Variants in IQGAP2 observed in about 807,000 individuals in gnomAD.
IQGAP2 encodes IQ motif containing GTPase activating protein 2, also known as ras GTPase-activating-like protein IQGAP2.
Under a neutral mutation model 201.3 loss-of-function variants are expected in IQGAP2, and 173 were observed. The ratio of observed to expected loss-of-function variants is 0.86; its 90% CI spans 0.76 to 0.98. The LOEUF (loss-of-function observed/expected upper bound fraction) is 0.98, where lower values mean the gene tolerates loss of function less well. Among genes scored for constraint, IQGAP2 ranks in the 50% least tolerant of loss-of-function variants. The pLI is 0.00. For missense variants in IQGAP2, 1,687 were observed against 1,864.8 expected, an observed-to-expected ratio of 0.90 and a Z score of 1.76; for synonymous variants, 675 against 673.9, an observed-to-expected ratio of 1.00 and a Z score of -0.03.
intron 2 of IQGAP2, among the ~76,000 whole-genome samples, chr5:76,559,545 C>A (rs1428942428): frequency 6.6e-6 from 1 of 152,158 alleles, no homozygotes; most frequent in Non-Finnish European, 1.5e-5. Flanking sequence ...CCCTGTGAGC[C>A]CCAGAGGCCC....
intron 27 of IQGAP2, among the ~76,000 whole-genome samples, chr5:76,676,093 A>G (rs1192738699): frequency 5.4e-5 from 8 of 149,054 alleles, no homozygotes; most frequent in African/African-American, 1.8e-4. Flanking sequence ...ACACACACAC[A>G]CACACACACA....
chr5:76,697,579 G>T (rs920075557), intron 32 of IQGAP2, among the ~76,000 whole-genome samples: 2 of 152,134 alleles, frequency 1.3e-5, no homozygotes, highest in African/African-American at 4.8e-5. Flanking sequence ...GGAGGTAAAG[G>T]TTGCAGAGAT....
At chr5:76,539,018 G>A (rs979454419) in intron 2 of IQGAP2, among the ~76,000 whole-genome samples, 17 of 152,192 alleles carry the variant, frequency 1.1e-4, no homozygotes, top group South Asian at 2.1e-4. Context: ...CCTCAGCCTC[G>A]TTTGTGAGCA....
chr5:76,534,118 A>G lies in IQGAP2; in HGVS notation c.147-28278A>G, dbSNP rs578163747. Among the ~76,000 whole-genome samples, 21 of 152,360 alleles carry G rather than the reference A, an allele frequency of 1.4e-4. No individual in the cohort carries two copies. The South Asian group carries it at 4.1e-3, about 30-fold the overall frequency. On this transcript the variant is annotated intron_variant, in intron 2 of 35. Coordinates refer to ENST00000274364, the MANE Select transcript of IQGAP2 (RefSeq NM_006633.5). ...ACAGTGTTTTGAGGGTTAATCCATC[A>G]GGGATATTTTCATGAATAGTAGAAC... is the stretch of plus-strand genomic sequence containing the variant.
chr5:76,479,128 C>T (rs1755623212), intron 2 of IQGAP2, among the ~76,000 whole-genome samples: 1 of 152,162 alleles, frequency 6.6e-6, no homozygotes, highest in Admixed American at 6.5e-5. Flanking sequence ...TCAGTTATGC[C>T]TCAGGTCCCT....
At chr5:76,561,700 G>A (rs1744378480) in intron 2 of IQGAP2, among the ~76,000 whole-genome samples, 1 of 152,190 alleles carries the variant, frequency 6.6e-6, no homozygotes, top group Non-Finnish European at 1.5e-5. Context: ...CCTTGAGCCA[G>A]TAATGACCTT....
chr5:76,518,991 A>C (rs1431562460), intron 2 of IQGAP2, among the ~76,000 whole-genome samples: 1 of 152,362 alleles, frequency 6.6e-6, no homozygotes, highest in Admixed American at 6.5e-5. Flanking sequence ...CATACCAGAG[A>C]AGATGAGACA....
At chr5:76,510,688 C>G (rs559907432) in intron 2 of IQGAP2, 5 of 536,132 alleles carry the variant, frequency 9.3e-6, no homozygotes, top group Non-Finnish European at 1.9e-5. Flanking sequence ...GCAGCAGCTG[C>G]AGCCAGACTG....
At chr5:76,504,762 T>C (rs1757508668) in intron 2 of IQGAP2, among the ~76,000 whole-genome samples, 1 of 152,202 alleles carries the variant, frequency 6.6e-6, no homozygotes, top group African/African-American at 2.4e-5. Context: ...CTCATCCACT[T>C]AACTTTGCAA....
intron 2 of IQGAP2, among the ~76,000 whole-genome samples, chr5:76,544,876 G>A (rs868756606): frequency 5.3e-5 from 8 of 152,104 alleles, no homozygotes; most frequent in Admixed American, 2.6e-4. Flanking sequence ...ACTCTATAGC[G>A]ATAGAACTAT....
chr5:76,673,677 A>T (rs1275951336), intron 25 of IQGAP2, 88 bp downstream of exon 25: 15 of 1,315,010 alleles, frequency 1.1e-5, no homozygotes, highest in South Asian at 9.2e-5. Context: ...TGAAGACAGC[A>T]GTTTTCCCTT....
intron 17 of IQGAP2, among the ~76,000 whole-genome samples, chr5:76,647,614 A>G (rs1335268096): frequency 6.6e-6 from 1 of 152,004 alleles, no homozygotes; most frequent in Non-Finnish European, 1.5e-5. Context: ...TTCCACCATG[A>G]TTGTGAGGCC....
intron 2 of IQGAP2, among the ~76,000 whole-genome samples, chr5:76,555,595 A>G (rs1743886335): frequency 6.6e-6 from 1 of 152,210 alleles, no homozygotes; most frequent in African/African-American, 2.4e-5. Context: ...ACAGATCAGC[A>G]AGCCCCTGAA....
intron 2 of IQGAP2, among the ~76,000 whole-genome samples, chr5:76,549,415 T>C (rs1743300806): frequency 6.6e-6 from 1 of 151,580 alleles, no homozygotes; most frequent in African/African-American, 2.4e-5. Context: ...ATTCACAGTC[T>C]AACTGAGTGA....
At chr5:76,668,425 A>G (rs1048801582) in intron 22 of IQGAP2, among the ~76,000 whole-genome samples, 1 of 151,576 alleles carries the variant, frequency 6.6e-6, no homozygotes, top group African/African-American at 2.4e-5. Flanking sequence ...AAATATTAAT[A>G]TATGATAGGA....
chr5:76,415,083 T>G (rs1237893438), intron 1 of IQGAP2, among the ~76,000 whole-genome samples: 1 of 152,240 alleles, frequency 6.6e-6, no homozygotes, highest in Admixed American at 6.5e-5. Flanking sequence ...ATAATATCTT[T>G]TTAGAAGTTG....
chr5:76,520,755 G>T (rs563656526), intron 2 of IQGAP2, among the ~76,000 whole-genome samples: 7 of 145,686 alleles, frequency 4.8e-5, no homozygotes, highest in African/African-American at 5.1e-5. Context: ...GCAGGCTGGA[G>T]TGCAGTGAGT....
chr5:76,665,196 ACT>A (rs756967559), intron 22 of IQGAP2, 21 bp downstream of exon 22: 148 of 1,606,144 alleles, frequency 9.2e-5, no homozygotes, highest in Non-Finnish European at 1.2e-4. Context: ...TTTATCGTTC[ACT>A]CTGAGTTTGG....
At chr5:76,681,155 A>C (rs539200676) in intron 28 of IQGAP2, among the ~76,000 whole-genome samples, 1 of 151,672 alleles carries the variant, frequency 6.6e-6, no homozygotes, top group African/African-American at 2.4e-5. Flanking sequence ...ATAATTGTAA[A>C]TAATATGTTT....
Sources: gnomAD v4.1 joint callset for allele counts (sites outside exome capture counted in the v4.1 genomes callset) on GRCh38, gnomAD v4.1.1 for gene constraint, MANE v1.5 for transcripts, NCBI Gene and HGNC (gene_info 2026-07-23, HGNC 2026-07-21) for gene names.